FARP1: variants seen among roughly 807,000 people sequenced by gnomAD.
FARP1 encodes the protein FERM, ARHGEF and pleckstrin domain-containing protein 1.
FARP1 carries 52 observed loss-of-function variants against 128.8 expected under a neutral mutation model. That is an observed-to-expected ratio of 0.40 (90% CI 0.32 to 0.51). FARP1 has a LOEUF of 0.51. Among genes scored for constraint, FARP1 ranks in the 20% least tolerant of loss-of-function variants. The pLI is 0.45. For missense variants in FARP1, 1,333 were observed against 1,367.9 expected (o/e 0.97, Z 0.40); for synonymous variants, 580 against 551.8 (o/e 1.05, Z -0.72).
chr13:98,248,409 G>A (rs1883171590), intron 2 of FARP1, among the ~76,000 whole-genome samples: 1 of 152,140 alleles, frequency 6.6e-6, no homozygotes, highest in Admixed American at 6.5e-5. Context: ...GTATTTTCCT[G>A]TGGCCATAGA....
chr13:98,227,850 C>G (rs184356396), intron 2 of FARP1, among the ~76,000 whole-genome samples: 10 of 152,206 alleles, frequency 6.6e-5, no homozygotes, highest in African/African-American at 2.4e-4. Flanking sequence ...GAACATTATG[C>G]TAAGTGAAAT....
In FARP1 at chr13:98,214,229, G is replaced by C. The variant is rs138941148; in HGVS notation, c.171+816G>C. Reference sequence around the variant, plus strand: ...AGGATGAGAAGCTGCCGCCTGCTTCGTGCAGCTGGTGCACATCTTATTCCC... The same window carrying C: ...AGGATGAGAAGCTGCCGCCTGCTTCCTGCAGCTGGTGCACATCTTATTCCC... On this transcript the variant is annotated intron_variant, in intron 2 of 26. Coordinates refer to ENST00000319562, the MANE Select transcript of FARP1 (RefSeq NM_005766.4). Among the ~76,000 whole-genome samples the C allele has an allele frequency of 8.8e-3, 1,348 of 152,336 alleles. 18 individuals are homozygous for C. Among genetic ancestry groups the C allele is most frequent in the African/African-American group, 0.03 (1,257 of 41,584 alleles).
intron 1 of FARP1, among the ~76,000 whole-genome samples, chr13:98,181,772 A>C (rs1412480898): frequency 6.6e-6 from 1 of 151,844 alleles, no homozygotes; most frequent in African/African-American, 2.4e-5. Context: ...GGGATTATAG[A>C]CATGAGCCAC....
chr13:98,445,000 C>G (rs1159323915), intron 24 of FARP1, among the ~76,000 whole-genome samples: 3 of 152,148 alleles, frequency 2.0e-5, no homozygotes, highest in Non-Finnish European at 4.4e-5. Flanking sequence ...CCTGGAATGC[C>G]CTTTCTCCCC....
intron 19 of FARP1, among the ~76,000 whole-genome samples, chr13:98,438,335 C>A (rs1214829891): frequency 6.6e-6 from 1 of 152,132 alleles, no homozygotes; most frequent in Non-Finnish European, 1.5e-5. Context: ...GGGTCCCTTG[C>A]TGCCACTTTT....
intron 1 of FARP1, among the ~76,000 whole-genome samples, chr13:98,160,978 T>G (rs1876843323): frequency 6.6e-6 from 1 of 152,016 alleles, no homozygotes; most frequent in Non-Finnish European, 1.5e-5. Context: ...GCGCCTGGCT[T>G]ATATTTGCCT....
In FARP1 at chr13:98,311,765, A is replaced by G. The variant is rs529286281; in HGVS notation, c.172-31997A>G. 7.9e-5 allele frequency among the ~76,000 whole-genome samples: 12 copies of G among 152,296 alleles called. No homozygotes were observed. The South Asian group carries it at 2.5e-3, about 32-fold the overall frequency. On this transcript the variant is annotated intron_variant, in intron 2 of 26. Coordinates refer to ENST00000319562, the MANE Select transcript of FARP1 (RefSeq NM_005766.4). ...CTTTCAAAAATAAACTTTGATGAGC[A>G]GGAATGGCTACCGTAATGATGGGTT... is the stretch of plus-strand genomic sequence containing the variant.
chr13:98,149,893 A>G (rs1875861764), intron 1 of FARP1, among the ~76,000 whole-genome samples: 1 of 146,820 alleles, frequency 6.8e-6, no homozygotes, highest in Admixed American at 6.8e-5. Context: ...ACCCGCCACC[A>G]TGCCCGGCTA....
intron 2 of FARP1, among the ~76,000 whole-genome samples, chr13:98,223,451 G>A (rs924858064): frequency 1.3e-5 from 2 of 152,076 alleles, no homozygotes; most frequent in African/African-American, 4.8e-5. Context: ...TCAGTCCCCC[G>A]ACAGCTGGGA....
At chr13:98,339,330 G>A (rs1040269760) in intron 2 of FARP1, among the ~76,000 whole-genome samples, 9 of 152,132 alleles carry the variant, frequency 5.9e-5, no homozygotes, top group Admixed American at 5.9e-4. Flanking sequence ...CAAAGGGGGA[G>A]GTGCCACATA....
intron 3 of FARP1, among the ~76,000 whole-genome samples, chr13:98,344,215 A>T (rs1280345497): frequency 6.6e-6 from 1 of 152,176 alleles, no homozygotes; most frequent in Non-Finnish European, 1.5e-5. Context: ...ATAGGACCAG[A>T]CTGGAGTCAA....
chr13:98,156,750 C>G (rs1291215414), intron 1 of FARP1, among the ~76,000 whole-genome samples: 1 of 151,556 alleles, frequency 6.6e-6, no homozygotes, highest in African/African-American at 2.4e-5. Context: ...TTTAAAGAGA[C>G]AGTGTTTTGC....
At chr13:98,187,824 C>T (rs1162395579) in intron 1 of FARP1, among the ~76,000 whole-genome samples, 1 of 152,110 alleles carries the variant, frequency 6.6e-6, no homozygotes, top group African/African-American at 2.4e-5. Context: ...TTTCATTTTC[C>T]TCCTGTTGAT....
chr13:98,387,629 G>C (rs1314566847), intron 8 of FARP1, among the ~76,000 whole-genome samples: 1 of 152,132 alleles, frequency 6.6e-6, no homozygotes, highest in African/African-American at 2.4e-5. Flanking sequence ...GTTGGTATCC[G>C]GCAGCTCCCC....
intron 1 of FARP1, among the ~76,000 whole-genome samples, chr13:98,208,335 G>A (rs759609673): frequency 3.4e-4 from 51 of 150,624 alleles, no homozygotes; most frequent in Non-Finnish European, 4.3e-4. Context: ...AAAAAAAGCC[G>A]GGCATGGTGG....
Position 98,448,438 on chromosome 13 carries a change from A to T in FARP1, c.*121A>T. On this transcript the variant is annotated 3_prime_UTR_variant, in exon 27 of 27. Transcript: ENST00000319562. Reference sequence around the variant, plus strand: ...AAAATCAAAAACATGGCTTCCCAGCAGCTCTCCTGTCTCCACAGCCGCGTT... The same window carrying T: ...AAAATCAAAAACATGGCTTCCCAGCTGCTCTCCTGTCTCCACAGCCGCGTT... The T allele has an allele frequency of 1.2e-6, 1 of 816,832 alleles. No homozygotes were observed. The highest frequency in any genetic ancestry group is 2.0e-5 in the Admixed American group (1 of 48,784). 50.6% of individuals were successfully genotyped at this position (816,832 alleles called of 1,614,324 possible).
intron 1 of FARP1, among the ~76,000 whole-genome samples, chr13:98,153,271 CT>C (rs71120308): frequency 0.36 from 34,853 of 95,676 alleles, 5,544 homozygotes; most frequent in East Asian, 0.59. Context: ...TAATAATAAC[CT>C]TTATATATAT....
At chr13:98,374,544 A>G (rs1395245421) in intron 5 of FARP1, among the ~76,000 whole-genome samples, 1 of 152,044 alleles carries the variant, frequency 6.6e-6, no homozygotes, top group Non-Finnish European at 1.5e-5. Flanking sequence ...TTTCCTCATG[A>G]TAGCATCTTG....
At chr13:98,413,555 G>A (rs1401048928) in intron 16 of FARP1, among the ~76,000 whole-genome samples, 6 of 152,194 alleles carry the variant, frequency 3.9e-5, no homozygotes, top group Admixed American at 3.3e-4. Context: ...AGCTACTGGA[G>A]AGGCTGAGGC....
Sources: gnomAD v4.1 joint callset for allele counts (sites outside exome capture counted in the v4.1 genomes callset) on GRCh38, gnomAD v4.1.1 for gene constraint, MANE v1.5 for transcripts, NCBI Gene and HGNC (gene_info 2026-07-23, HGNC 2026-07-21) for gene names.